The following DAGLB variants were observed in gnomAD, a reference collection of about 807,000 sequenced individuals.
DAGLB encodes the protein diacylglycerol lipase beta.
Under a neutral mutation model 72.1 loss-of-function variants are expected in DAGLB, and 66 were observed. The ratio of observed to expected loss-of-function variants is 0.92; its 90% CI spans 0.75 to 1.12. The LOEUF (loss-of-function observed/expected upper bound fraction) is 1.12. Ranked by LOEUF, DAGLB falls within the 50% of genes most tolerant of loss-of-function variation. DAGLB has a pLI of 0.00. For synonymous variants in DAGLB, 414 were observed against 359.5 expected (o/e 1.15, Z -1.71); for missense variants, 1,065 against 884.9 (o/e 1.20, Z -2.58).
chr7:6,432,074 G>A (rs183467987), intron 5 of DAGLB, among the ~76,000 whole-genome samples: 189 of 152,252 alleles, frequency 1.2e-3, no homozygotes, highest in African/African-American at 4.3e-3. Context: ...AAATAGGCCC[G>A]GTGTGGTGGC....
At position 6,412,986 on chromosome 7, in the gene DAGLB, C is replaced by T; in HGVS notation, c.1476G>A (p.Leu492=). Residue 492 remains leucine, a synonymous_variant, in exon 12 of 15, where the codon CTG becomes CTA. Coordinates refer to ENST00000297056, the MANE Select transcript of DAGLB (RefSeq NM_139179.4). ...YSQSFIVSLV[L]GKDVIPRLSV... is the part of the protein sequence containing the mutation. Reference sequence around the variant, plus strand: ...CTTACCTGGGAATCACATCCTTCCCCAGGACGAGTGACACGATGAAGCTCT... The same window carrying T: ...CTTACCTGGGAATCACATCCTTCCCTAGGACGAGTGACACGATGAAGCTCT... The T allele has an allele frequency of 1.2e-6, 2 of 1,613,958 alleles. No individual in the cohort carries two copies. Among genetic ancestry groups the T allele is most frequent in the Non-Finnish European group, 1.7e-6 (2 of 1,179,936 alleles).
chr7:6,410,081 A>T (rs778275119), intron 14 of DAGLB, 46 bp from the exon 15 acceptor site: 15 of 1,588,200 alleles, frequency 9.4e-6, no homozygotes, highest in Non-Finnish European at 1.2e-5. Context: ...CCCAGGGCTG[A>T]CCCCGCGCTG....
At chr7:6,421,882 T>C in intron 8 of DAGLB, 78 bp from the exon 9 acceptor site, 2 of 1,482,412 alleles carry the variant, frequency 1.3e-6, no homozygotes, top group Non-Finnish European at 1.9e-6. Context: ...TCCCTGCTCC[T>C]GACACTTCTG....
At chr7:6,421,431 G>T in intron 9 of DAGLB, among the ~76,000 whole-genome samples, 1 of 22 alleles carries the variant, frequency 0.045, no homozygotes, top group Non-Finnish European at 0.056. Flanking sequence ...AGCGCGGGAG[G>T]CGCAGGCAGC....
chr7:6,422,323 G>A (rs929751616), intron 8 of DAGLB: 2 of 265,450 alleles, frequency 7.5e-6, no homozygotes, highest in Non-Finnish European at 1.5e-5. Context: ...AAAGCAGAGA[G>A]GACAGGCGGC....
chr7:6,410,063 C>T, intron 14 of DAGLB, 28 bp from the exon 15 acceptor site: 1 of 1,601,472 alleles, frequency 6.2e-7, no homozygotes, highest in East Asian at 2.2e-5. Context: ...AGACAGCTCC[C>T]ACGCGGCCCC....
At chr7:6,433,682 A>C (rs1168559280) in intron 4 of DAGLB, among the ~76,000 whole-genome samples, 1 of 152,086 alleles carries the variant, frequency 6.6e-6, no homozygotes, top group Non-Finnish European at 1.5e-5. Flanking sequence ...TCTACTATAA[A>C]TACAAAAATT....
chr7:6,447,743 CT>C lies in DAGLB; in HGVS notation c.95+4del. ...CTCCACCGCCCCCGTAGCCGCCGTC[CT>C]TACCACAGCACTCGCACGACCAGCT... On this transcript the variant is annotated splice_donor_region_variant and intron_variant, in intron 1 of 14. Transcript: ENST00000297056. The C allele has an allele frequency of 6.2e-7, 1 of 1,612,640 alleles. No individual in the cohort carries two copies. Among genetic ancestry groups the C allele is most frequent in the Non-Finnish European group, 8.5e-7 (1 of 1,179,394 alleles).
chr7:6,436,699 G>A (rs1222213044), intron 2 of DAGLB, among the ~76,000 whole-genome samples, 166 bp from the exon 3 acceptor site: 1 of 152,170 alleles, frequency 6.6e-6, no homozygotes, highest in Non-Finnish European at 1.5e-5. Flanking sequence ...CAGACAGCAA[G>A]TGAGAAAATG....
At chr7:6,421,944 C>T in intron 8 of DAGLB, 140 bp from the exon 9 acceptor site, 2 of 942,324 alleles carry the variant, frequency 2.1e-6, no homozygotes, top group Non-Finnish European at 3.3e-6. Context: ...GGGACTGAAC[C>T]CTAAACTAAA....
rs527243896 is a variant in DAGLB at position 6,416,603 on chromosome 7, T to C, written c.1427+24A>G. The C allele has an allele frequency of 1.1e-5, 18 of 1,574,774 alleles. No homozygotes were observed. The South Asian group carries it at 2.0e-4, about 17-fold the overall frequency. ...ACATGACTTGTAAGTAGCAAGCTGT[T>C]AGAGCAGGAAAACAAAGGCTCACCT... On this transcript the variant is annotated intron_variant, in intron 11 of 14. Transcript: ENST00000297056.
chr7:6,418,289 A>G (rs1029694553), intron 9 of DAGLB, among the ~76,000 whole-genome samples: 1 of 152,128 alleles, frequency 6.6e-6, no homozygotes, highest in Non-Finnish European at 1.5e-5. Context: ...GGATCACTTG[A>G]GCCCAGGAGT....
intron 6 of DAGLB, among the ~76,000 whole-genome samples, chr7:6,429,901 A>G (rs903993293): frequency 6.6e-6 from 1 of 151,876 alleles, no homozygotes; most frequent in African/African-American, 2.4e-5. Context: ...AAAATTAGCC[A>G]GCAGTGGTGG....
At chr7:6,431,726 C>T (rs1784494694) in intron 5 of DAGLB, among the ~76,000 whole-genome samples, 1 of 152,078 alleles carries the variant, frequency 6.6e-6, no homozygotes, top group South Asian at 2.1e-4. Flanking sequence ...GAGCCAAGAT[C>T]ATGCCATTGC....
At chr7:6,446,388 G>T (rs1336212476) in intron 1 of DAGLB, among the ~76,000 whole-genome samples, 1 of 136,916 alleles carries the variant, frequency 7.3e-6, no homozygotes, top group East Asian at 2.4e-4. Context: ...TGAGACAGGA[G>T]AATTGCTTGA....
At chr7:6,428,239 G>A (rs914618043) in intron 6 of DAGLB, among the ~76,000 whole-genome samples, 3 of 149,822 alleles carry the variant, frequency 2.0e-5, no homozygotes, top group Non-Finnish European at 4.4e-5. Context: ...CCAGCTACTC[G>A]GGAGGCTGAG....
rs143932592 is a variant in DAGLB, at chr7:6,420,196, A to G, written c.1218+1531T>C. 2.5e-3 allele frequency among the ~76,000 whole-genome samples: 376 copies of G among 152,016 alleles called. 2 individuals are homozygous for G. Among genetic ancestry groups the G allele is most frequent in the African/African-American group, 8.3e-3 (344 of 41,494 alleles). Reference sequence around the variant, plus strand: ...GTGGCTTATGCCTGTAATCCTAGCAATTTGGGAGGCTGAGGTGGGTGGATC... The same window carrying G: ...GTGGCTTATGCCTGTAATCCTAGCAGTTTGGGAGGCTGAGGTGGGTGGATC... On this transcript the variant is annotated intron_variant, in intron 9 of 14. Transcript: ENST00000297056.
chr7:6,425,957 A>G (rs1784298048), intron 7 of DAGLB, 31 bp downstream of exon 7: 4 of 1,611,562 alleles, frequency 2.5e-6, no homozygotes, highest in Non-Finnish European at 3.4e-6. Flanking sequence ...ACCCAAAAGA[A>G]GTGAAGAGCC....
chr7:6,430,288 G>A (rs1351156022), intron 6 of DAGLB, among the ~76,000 whole-genome samples, 192 bp downstream of exon 6: 2 of 92,718 alleles, frequency 2.2e-5, no homozygotes, highest in South Asian at 3.6e-4. Context: ...TATATGCAGG[G>A]GGGAGGGAGG....
Sources: allele counts gnomAD v4.1 joint callset (sites outside exome capture counted in the v4.1 genomes callset), GRCh38; gene constraint gnomAD v4.1.1; transcripts MANE v1.5; gene names NCBI Gene and HGNC (gene_info 2026-07-23, HGNC 2026-07-21).